PHLPP1: variants seen among roughly 807,000 people sequenced by gnomAD.
PHLPP1 encodes the protein PH domain leucine-rich repeat-containing protein phosphatase 1.
PHLPP1 carries 42 observed loss-of-function variants against 117.2 expected under a neutral mutation model. The observed-to-expected ratio is 0.36, with a 90% CI of 0.28 to 0.46. The LOEUF is 0.46. PHLPP1 is among the 20% of genes least tolerant of loss of function. PHLPP1 has a pLI of 1.00. For missense variants in PHLPP1, 2,084 were observed against 2,241.9 expected (o/e 0.93, Z 1.42); for synonymous variants, 1,042 against 970.7 (o/e 1.07, Z -1.37).
Position 62,716,544 on chromosome 18 carries a change from G to T in PHLPP1, c.861G>T (p.Ala287=), listed in dbSNP as rs540790768. 251 of 1,181,642 alleles carry T rather than the reference G, an allele frequency of 2.1e-4. No homozygotes were observed. The African/African-American group carries it at 3.7e-3, about 17-fold the overall frequency. 73.2% of individuals were successfully genotyped at this position (1,181,642 alleles called of 1,614,324 possible). A position where few individuals can be genotyped will look rare whatever the true frequency, so the allele number is the denominator to read the frequency against. The change falls in exon 1 of 17, where the codon GCG becomes GCT. Residue 287 remains alanine, a synonymous_variant. Coordinates refer to ENST00000262719, the MANE Select transcript of PHLPP1 (RefSeq NM_194449.4). The surrounding 1 kb of genome is among the most constrained non-coding windows in gnomAD (Gnocchi z 5.7). Reference sequence around the variant, plus strand: ...CGGAGGTACCGCCCGCGAGGAGCGCGCCGGGTGCCTTCGGGGGGCCTCCGC... The same window carrying T: ...CGGAGGTACCGCCCGCGAGGAGCGCTCCGGGTGCCTTCGGGGGGCCTCCGC... ...RDSEVPPARS[A]PGAFGGPPRA... is the part of the protein sequence containing the mutation.
intron 1 of PHLPP1, among the ~76,000 whole-genome samples, chr18:62,766,076 A>AAAAAATATATATAT: frequency 1.4e-4 from 3 of 21,656 alleles, no homozygotes; most frequent in Admixed American, 7.9e-4. Context: ...AAAAAAAAAA[A>AAAAAATATATATAT]ATATATATAT....
chr18:62,792,240 A>G (rs768912454), intron 1 of PHLPP1, among the ~76,000 whole-genome samples: 13 of 152,218 alleles, frequency 8.5e-5, no homozygotes, highest in Non-Finnish European at 1.6e-4. Context: ...GCTGGAACTT[A>G]AAGGCAGCTT....
chr18:62,804,669 T>C (rs1913885216), intron 1 of PHLPP1, among the ~76,000 whole-genome samples: 1 of 152,076 alleles, frequency 6.6e-6, no homozygotes, highest in African/African-American at 2.4e-5. Context: ...TTATCTTTTT[T>C]TTCTAGTCTG....
chr18:62,945,867 C>T (rs1705100683), intron 12 of PHLPP1, among the ~76,000 whole-genome samples: 1 of 152,170 alleles, frequency 6.6e-6, no homozygotes, highest in Admixed American at 6.5e-5. Context: ...ATTAAGACAG[C>T]AAATTGGTAG....
At chr18:62,807,665 A>G (rs1239418277) in intron 1 of PHLPP1, among the ~76,000 whole-genome samples, 1 of 152,218 alleles carries the variant, frequency 6.6e-6, no homozygotes, top group Non-Finnish European at 1.5e-5. Flanking sequence ...CTCCTAGGCT[A>G]TAAACCTGTG....
intron 1 of PHLPP1, among the ~76,000 whole-genome samples, chr18:62,763,365 A>G (rs962928294): frequency 1.3e-5 from 2 of 152,210 alleles, no homozygotes; most frequent in Non-Finnish European, 2.9e-5. Flanking sequence ...GCTACCAAAA[A>G]GCAGGGGAAG....
At chr18:62,967,585 C>T (rs1016525706) in intron 14 of PHLPP1, among the ~76,000 whole-genome samples, 5 of 151,832 alleles carry the variant, frequency 3.3e-5, no homozygotes, top group African/African-American at 9.7e-5. Flanking sequence ...TGTAGACACC[C>T]TTTATCAAGT....
At chr18:62,891,403 C>T (rs1355151263) in intron 4 of PHLPP1, among the ~76,000 whole-genome samples, 8 of 151,912 alleles carry the variant, frequency 5.3e-5, no homozygotes, top group Non-Finnish European at 1.0e-4. Context: ...GCCTGGCCAA[C>T]ATAGTGAAAC....
intron 10 of PHLPP1, among the ~76,000 whole-genome samples, chr18:62,938,649 A>T (rs898313761): frequency 1.3e-5 from 2 of 152,184 alleles, no homozygotes; most frequent in African/African-American, 4.8e-5. Context: ...TCAACTAACT[A>T]GTTTCATTTC....
chr18:62,789,139 T>TG (rs1246759665), intron 1 of PHLPP1, among the ~76,000 whole-genome samples: 4 of 151,800 alleles, frequency 2.6e-5, no homozygotes, highest in Non-Finnish European at 5.9e-5. Context: ...ACACAGGGGG[T>TG]GGGGAAGCAA....
intron 10 of PHLPP1, among the ~76,000 whole-genome samples, chr18:62,926,764 G>C (rs1432872798): frequency 1.3e-5 from 2 of 152,164 alleles, no homozygotes; most frequent in Non-Finnish European, 2.9e-5. Context: ...ACCCTACTGA[G>C]CTAGAGCATC....
At chr18:62,742,053 G>A (rs1389145435) in intron 1 of PHLPP1, among the ~76,000 whole-genome samples, 2 of 152,070 alleles carry the variant, frequency 1.3e-5, no homozygotes, top group Non-Finnish European at 2.9e-5. Flanking sequence ...AAAGGCCTTT[G>A]AGGCCAGTGT....
At chr18:62,754,162 G>T (rs1007279937) in intron 1 of PHLPP1, among the ~76,000 whole-genome samples, 9 of 152,214 alleles carry the variant, frequency 5.9e-5, no homozygotes, top group African/African-American at 2.2e-4. Context: ...TCTCAGTTGT[G>T]CCTGAATTAC....
chr18:62,764,006 T>C, intron 1 of PHLPP1, among the ~76,000 whole-genome samples: 1 of 150,868 alleles, frequency 6.6e-6, no homozygotes, highest in East Asian at 1.9e-4. Context: ...CTACTGAAAA[T>C]ACAAAAATTA....
At chr18:62,976,893 A>G (rs923066098) in intron 16 of PHLPP1, among the ~76,000 whole-genome samples, 1 of 152,190 alleles carries the variant, frequency 6.6e-6, no homozygotes, top group Non-Finnish European at 1.5e-5. Context: ...TCATTTTTTC[A>G]GGCACAGGGC....
intron 9 of PHLPP1, among the ~76,000 whole-genome samples, chr18:62,916,943 G>A (rs1308881952): frequency 2.7e-5 from 4 of 149,542 alleles, no homozygotes; most frequent in East Asian, 2.0e-4. Flanking sequence ...TAGTAGAGAC[G>A]GGGTTTCACT....
intron 1 of PHLPP1, among the ~76,000 whole-genome samples, chr18:62,717,487 GAA>G (rs2122040769): frequency 6.6e-6 from 1 of 152,244 alleles, no homozygotes; most frequent in Admixed American, 6.5e-5. Flanking sequence ...AAAGCAATGT[GAA>G]AGAGGTGGCT....
intron 10 of PHLPP1, among the ~76,000 whole-genome samples, chr18:62,936,270 A>G (rs539658457): frequency 6.6e-6 from 1 of 152,338 alleles, no homozygotes; most frequent in African/African-American, 2.4e-5. Context: ...CCAGCAGAAT[A>G]AAATAAACAT....
intron 1 of PHLPP1, among the ~76,000 whole-genome samples, chr18:62,748,127 G>A (rs1289858153): frequency 6.6e-6 from 1 of 151,380 alleles, no homozygotes; most frequent in African/African-American, 2.5e-5. Flanking sequence ...ACTATTCACA[G>A]TACTATATAC....
Sources: gnomAD v4.1 joint callset for allele counts (sites outside exome capture counted in the v4.1 genomes callset) on GRCh38, gnomAD v4.1.1 for gene constraint, Gnocchi (gnomAD v3.1) non-coding constraint, MANE v1.5 for transcripts, NCBI Gene and HGNC (gene_info 2026-07-23, HGNC 2026-07-21) for gene names.